Variants in CSMD1 observed in about 807,000 individuals in gnomAD.
CSMD1 encodes CUB and sushi domain-containing protein 1.
A neutral mutation model predicts 417.5 loss-of-function variants in CSMD1; 213 were observed. The observed-to-expected ratio is 0.51, with a 90% CI of 0.46 to 0.57. CSMD1 has a LOEUF of 0.57. Among genes scored for constraint, CSMD1 ranks in the 20% least tolerant of loss-of-function variants. CSMD1 has a pLI of 0.00. For missense variants in CSMD1, 6,923 were observed against 4,529.7 expected (o/e 1.53, Z -15.17); for synonymous variants, 2,862 against 1,736.8 (o/e 1.65, Z -16.11).
intron 1 of CSMD1, among the ~76,000 whole-genome samples, chr8:4,801,808 A>T: frequency 6.6e-6 from 1 of 152,230 alleles, no homozygotes; most frequent in East Asian, 1.9e-4. Flanking sequence ...AAATGAATAC[A>T]GCTACTCTTT....
At chr8:4,646,532 T>TA (rs1431874718) in intron 1 of CSMD1, among the ~76,000 whole-genome samples, 1 of 152,206 alleles carries the variant, frequency 6.6e-6, no homozygotes, top group Admixed American at 6.5e-5. Context: ...CATTACTCAC[T>TA]AAAAAAGGTG....
chr8:4,193,676 C>A (rs1799168953), intron 3 of CSMD1, among the ~76,000 whole-genome samples: 1 of 152,126 alleles, frequency 6.6e-6, no homozygotes, highest in South Asian at 2.1e-4. Context: ...CGGCAAACCA[C>A]AGCTCAACAA....
chr8:3,796,371 ATCATGTATATATATATC>A (rs1268113021), intron 5 of CSMD1, among the ~76,000 whole-genome samples: 13,046 of 65,316 alleles, frequency 0.2, 2,751 homozygotes, highest in Non-Finnish European at 0.26. Flanking sequence ...ATAGATATCT[ATCATGTATATATATATC>A]TATCATGTAT....
intron 3 of CSMD1, among the ~76,000 whole-genome samples, chr8:4,261,304 G>A (rs1013719006): frequency 6.6e-6 from 1 of 152,012 alleles, no homozygotes; most frequent in African/African-American, 2.4e-5. Flanking sequence ...AAATAACCCA[G>A]GCATAGAAAG....
At chr8:4,499,432 C>A (rs1359931586) in intron 2 of CSMD1, among the ~76,000 whole-genome samples, 1 of 152,196 alleles carries the variant, frequency 6.6e-6, no homozygotes, top group Non-Finnish European at 1.5e-5. Flanking sequence ...ACACATCTGA[C>A]AGACGAAACT....
intron 10 of CSMD1, among the ~76,000 whole-genome samples, chr8:3,574,096 C>G (rs1203894217): frequency 6.6e-6 from 1 of 152,058 alleles, no homozygotes; most frequent in Non-Finnish European, 1.5e-5. Context: ...GTATTACCCT[C>G]TATTACTACC....
intron 54 of CSMD1, among the ~76,000 whole-genome samples, chr8:2,987,055 C>A (rs1805975313): frequency 6.6e-6 from 1 of 152,060 alleles, no homozygotes; most frequent in Non-Finnish European, 1.5e-5. Context: ...AGCCCTAAGG[C>A]AAAGTTACAA....
intron 12 of CSMD1, among the ~76,000 whole-genome samples, chr8:3,459,636 C>T (rs914680358): frequency 1.3e-5 from 2 of 152,088 alleles, no homozygotes; most frequent in Admixed American, 6.5e-5. Flanking sequence ...GGGTAACTCC[C>T]GGACGGTCCA....
chr8:3,870,292 C>G (rs1283398782), intron 5 of CSMD1, among the ~76,000 whole-genome samples: 1 of 152,046 alleles, frequency 6.6e-6, no homozygotes, highest in Non-Finnish European at 1.5e-5. Context: ...CCAATATTTC[C>G]ACATTATATA....
At chr8:3,044,657 A>G (rs377568233) in intron 50 of CSMD1, among the ~76,000 whole-genome samples, 21 of 152,008 alleles carry the variant, frequency 1.4e-4, no homozygotes, top group African/African-American at 5.1e-4. Context: ...GACCTCAAAC[A>G]TCTGCCTCGG....
chr8:4,270,559 T>C (rs1434262766), intron 3 of CSMD1, among the ~76,000 whole-genome samples: 1 of 152,178 alleles, frequency 6.6e-6, no homozygotes, highest in Non-Finnish European at 1.5e-5. Context: ...TTGAACCCCA[T>C]TATGTTTGAT....
chr8:3,073,312 T>G (rs17389813), intron 49 of CSMD1, among the ~76,000 whole-genome samples: 2 of 152,014 alleles, frequency 1.3e-5, no homozygotes, highest in Non-Finnish European at 2.9e-5. Flanking sequence ...TAGAAAGTAG[T>G]TGGAATTTTA....
intron 23 of CSMD1, among the ~76,000 whole-genome samples, chr8:3,326,624 A>C (rs1806550871): frequency 6.6e-6 from 1 of 152,230 alleles, no homozygotes; most frequent in African/African-American, 2.4e-5. Flanking sequence ...GTATGTTTGC[A>C]TTCCCAGAGA....
intron 3 of CSMD1, among the ~76,000 whole-genome samples, chr8:4,165,227 C>G (rs190605089): frequency 1.3e-5 from 2 of 152,318 alleles, no homozygotes; most frequent in Admixed American, 6.5e-5. Context: ...CCAGGTGTCA[C>G]TGTTCTTTTC....
At chr8:3,410,518 G>A (rs1326738696) in intron 12 of CSMD1, among the ~76,000 whole-genome samples, 1 of 152,086 alleles carries the variant, frequency 6.6e-6, no homozygotes, top group Admixed American at 6.5e-5. Context: ...TTTCTAAGGG[G>A]GAGTTGCCCT....
intron 17 of CSMD1, among the ~76,000 whole-genome samples, chr8:3,390,069 A>G (rs1811254793): frequency 6.6e-6 from 1 of 152,120 alleles, no homozygotes; most frequent in South Asian, 2.1e-4. Context: ...AACATCTGGA[A>G]TTTGGCTGGG....
chr8:3,474,850 A>C (rs1378116644), intron 11 of CSMD1, among the ~76,000 whole-genome samples: 1 of 152,196 alleles, frequency 6.6e-6, no homozygotes, highest in Non-Finnish European at 1.5e-5. Context: ...GTTCTGATTT[A>C]AACTTAAAAA....
At chr8:4,866,974 G>C (rs959494793) in intron 1 of CSMD1, among the ~76,000 whole-genome samples, 3 of 151,866 alleles carry the variant, frequency 2.0e-5, no homozygotes, top group African/African-American at 4.8e-5. Context: ...TTAAATACTA[G>C]AGACATTGTA....
chr8:3,142,730 T>A, intron 40 of CSMD1, 56 bp from the exon 41 acceptor site: 2 of 1,405,596 alleles, frequency 1.4e-6, no homozygotes. Context: ...ATAAAATCAA[T>A]GCTCATAAAA....
Sources: allele counts gnomAD v4.1 joint callset (sites outside exome capture counted in the v4.1 genomes callset), GRCh38; gene constraint gnomAD v4.1.1; transcripts MANE v1.5; gene names NCBI Gene and HGNC (gene_info 2026-07-23, HGNC 2026-07-21).